Variants in FUT9 observed in about 807,000 individuals in gnomAD.
FUT9 encodes 4-galactosyl-N-acetylglucosaminide 3-alpha-L-fucosyltransferase 9.
Under a neutral mutation model 29.7 loss-of-function variants are expected in FUT9, and 15 were observed. The ratio of observed to expected loss-of-function variants is 0.51; its 90% CI spans 0.34 to 0.78. The LOEUF (loss-of-function observed/expected upper bound fraction) is 0.78, where lower values mean the gene tolerates loss of function less well. Among genes scored for constraint, FUT9 ranks in the 30% least tolerant of loss-of-function variants. FUT9 has a pLI of 0.01. For synonymous variants in FUT9, 169 were observed against 153.7 expected (o/e 1.10, Z -0.74); for missense variants, 319 against 425.4 (o/e 0.75, Z 2.20).
In FUT9 at chr6:96,071,613, A is replaced by C. The variant is rs115852113; in HGVS notation, c.-97-42426A>C. 7.0e-4 allele frequency among the ~76,000 whole-genome samples: 107 copies of C among 152,258 alleles called. 1 individual carries two copies. Among genetic ancestry groups the C allele is most frequent in the African/African-American group, 2.5e-3 (104 of 41,566 alleles). ...AGAGTATAAAGAGCAATGGGCTGCA[A>C]ATCTGAATACCTGGAAGCTATGGCA... On this transcript the variant is annotated intron_variant, in intron 1 of 2. Transcript: ENST00000302103.
Position 96,032,091 on chromosome 6 carries a change from G to T in FUT9, c.-98+15879G>T, listed in dbSNP as rs142101475. Among the ~76,000 whole-genome samples, 267 of 151,622 alleles carry T rather than the reference G, an allele frequency of 1.8e-3. 1 individual carries two copies. Among genetic ancestry groups the T allele is most frequent in the Admixed American group, 4.2e-3 (63 of 15,140 alleles). On this transcript the variant is annotated intron_variant, in intron 1 of 2. Coordinates refer to ENST00000302103, the MANE Select transcript of FUT9 (RefSeq NM_006581.4). ...ATGTTTTCAGTTTACATTGAGCTCT[G>T]TGGAACATATTGTTACATTTAAAAT...
At chr6:96,070,658 G>C (rs1197559068) in intron 1 of FUT9, among the ~76,000 whole-genome samples, 1 of 152,082 alleles carries the variant, frequency 6.6e-6, no homozygotes, top group Non-Finnish European at 1.5e-5. Flanking sequence ...CTGCACTCCA[G>C]CCTGAGCGAC....
At chr6:96,169,792 T>C (rs1305259188) in intron 2 of FUT9, among the ~76,000 whole-genome samples, 1 of 152,154 alleles carries the variant, frequency 6.6e-6, no homozygotes, top group African/African-American at 2.4e-5. Context: ...TTTTGACTCA[T>C]TTGGCGAAAT....
chr6:96,073,999 A>G (rs1382756454), intron 1 of FUT9, among the ~76,000 whole-genome samples: 1 of 152,204 alleles, frequency 6.6e-6, no homozygotes, highest in Non-Finnish European at 1.5e-5. Context: ...CTGATTTAAA[A>G]TCTTTTAAAA....
intron 1 of FUT9, among the ~76,000 whole-genome samples, chr6:96,074,734 A>C (rs1771115530): frequency 6.6e-6 from 1 of 152,058 alleles, no homozygotes; most frequent in Admixed American, 6.6e-5. Flanking sequence ...TCACTGTATA[A>C]AATATAGGCA....
intron 1 of FUT9, among the ~76,000 whole-genome samples, chr6:96,078,405 CTTCTTTTTTTTTTTTTTTT>C: frequency 2.2e-5 from 1 of 45,230 alleles, no homozygotes; most frequent in Non-Finnish European, 4.3e-5. Context: ...TCATATTAGT[CTTCTTTTTTTTTTTTTTTT>C]TTTTTTTTTT....
At chr6:96,031,776 A>C (rs951365100) in intron 1 of FUT9, among the ~76,000 whole-genome samples, 2 of 151,524 alleles carry the variant, frequency 1.3e-5, no homozygotes, top group African/African-American at 4.8e-5. Flanking sequence ...TTCTACTTTT[A>C]AGTCTTTTTA....
At position 96,081,170 on chromosome 6, in the gene FUT9, T is replaced by C. The variant is rs1020203127; in HGVS notation, c.-97-32869T>C. ...AAGTATATGTAAAGTTTAAGGAATA[T>C]TTTTCAATGAATATTTAACATCATA... On this transcript the variant is annotated intron_variant, in intron 1 of 2. Transcript: ENST00000302103. Among the ~76,000 whole-genome samples, 44 of 151,900 alleles carry C rather than the reference T, an allele frequency of 2.9e-4. 1 individual carries two copies. Among genetic ancestry groups the C allele is most frequent in the Non-Finnish European group, 1.5e-5 (1 of 67,784 alleles).
At chr6:96,188,177 T>TA (rs1285595576) in intron 2 of FUT9, among the ~76,000 whole-genome samples, 1 of 152,132 alleles carries the variant, frequency 6.6e-6, no homozygotes, top group African/African-American at 2.4e-5. Context: ...ATATATATCA[T>TA]AAAATAAATT....
intron 2 of FUT9, among the ~76,000 whole-genome samples, chr6:96,202,415 C>T (rs1434542872): frequency 6.6e-6 from 1 of 151,950 alleles, no homozygotes; most frequent in Non-Finnish European, 1.5e-5. Flanking sequence ...GCAAATAGAA[C>T]ATTTGATTAT....
rs1457285773 is a variant in FUT9 at position 96,213,423 on chromosome 6, G to A, written c.*9188G>A. 3 of 166,794 alleles carry A rather than the reference G, an allele frequency of 1.8e-5. No homozygotes were observed. Among genetic ancestry groups the A allele is most frequent in the Non-Finnish European group, 4.4e-5 (3 of 68,016 alleles). The allele number at this position is 166,794 out of a possible 1,614,324, so 10.3% of individuals were successfully genotyped here. A position where few individuals can be genotyped will look rare whatever the true frequency, so the allele number is the denominator to read the frequency against. On this transcript the variant is annotated 3_prime_UTR_variant, in exon 3 of 3. Transcript: ENST00000302103. ...TCTAGCCATTATGTGAATTGTAAGG[G>A]TCAGTAATCCATAAATTATTTGGAT... is the stretch of plus-strand genomic sequence containing the variant.
At chr6:96,019,546 C>A (rs140997847) in intron 1 of FUT9, among the ~76,000 whole-genome samples, 3 of 151,880 alleles carry the variant, frequency 2.0e-5, no homozygotes, top group African/African-American at 4.8e-5. Flanking sequence ...TTTAGCAGAA[C>A]GCATTCTTAG....
chr6:96,039,367 C>T (rs1435049730), intron 1 of FUT9, among the ~76,000 whole-genome samples: 2 of 152,084 alleles, frequency 1.3e-5, no homozygotes, highest in African/African-American at 4.8e-5. Flanking sequence ...CAATCACGTT[C>T]GTGCTTACTA....
intron 1 of FUT9, among the ~76,000 whole-genome samples, chr6:96,081,023 A>G (rs1352083244): frequency 6.6e-6 from 1 of 151,956 alleles, no homozygotes; most frequent in Non-Finnish European, 1.5e-5. Flanking sequence ...ACCAGCAATA[A>G]CACCAAAAAT....
chr6:96,036,130 TGC>T (rs1413121242), intron 1 of FUT9, among the ~76,000 whole-genome samples: 1 of 146,410 alleles, frequency 6.8e-6, no homozygotes, highest in Non-Finnish European at 1.5e-5. Context: ...AGTTCTCATC[TGC>T]AAAAGAATAC....
At chr6:96,081,609 T>C (rs1231739716) in intron 1 of FUT9, among the ~76,000 whole-genome samples, 1 of 151,880 alleles carries the variant, frequency 6.6e-6, no homozygotes, top group Non-Finnish European at 1.5e-5. Flanking sequence ...GTTGTCCTTC[T>C]GGATTAAAAA....
chr6:96,038,823 A>G (rs1197953424), intron 1 of FUT9, among the ~76,000 whole-genome samples: 2 of 152,264 alleles, frequency 1.3e-5, no homozygotes, highest in African/African-American at 4.8e-5. Context: ...CTTTGGTGAT[A>G]CTGACCTGAA....
chr6:96,101,307 G>C (rs1424199426), intron 1 of FUT9, among the ~76,000 whole-genome samples: 4 of 152,130 alleles, frequency 2.6e-5, no homozygotes. Flanking sequence ...GGGAGGCCAA[G>C]GTGGGTGGAT....
intron 1 of FUT9, among the ~76,000 whole-genome samples, chr6:96,033,246 T>C (rs1366335189): frequency 6.6e-6 from 1 of 151,716 alleles, no homozygotes; most frequent in Non-Finnish European, 1.5e-5. Flanking sequence ...AGATTTTGAA[T>C]ATATTGGATT....
Sources: allele counts gnomAD v4.1 joint callset (sites outside exome capture counted in the v4.1 genomes callset), GRCh38; gene constraint gnomAD v4.1.1; transcripts MANE v1.5; gene names NCBI Gene and HGNC (gene_info 2026-07-23, HGNC 2026-07-21).